Variants in NRXN3 observed in about 807,000 individuals in gnomAD.
NRXN3 encodes neurexin III.
NRXN3 carries 32 observed loss-of-function variants against 137.6 expected under a neutral mutation model. The observed-to-expected ratio is 0.23, with a 90% CI of 0.18 to 0.31. The LOEUF is 0.31. Ranked by LOEUF, NRXN3 falls within the 10% of genes least tolerant of loss-of-function variation. The probability of loss-of-function intolerance (pLI) is 1.00; values close to 1 mark genes in which losing one functional copy is unlikely to be tolerated. For missense variants in NRXN3, 1,574 were observed against 2,062.5 expected (o/e 0.76, Z 4.59); for synonymous variants, 798 against 784.5 (o/e 1.02, Z -0.29).
intron 16 of NRXN3, among the ~76,000 whole-genome samples, chr14:79,475,766 A>G (rs1411168202): frequency 6.6e-6 from 1 of 152,172 alleles, no homozygotes; most frequent in East Asian, 1.9e-4. Context: ...TAAGCAATGA[A>G]TAAACTTTAA....
chr14:79,674,776 T>C (rs1376545113), intron 17 of NRXN3, among the ~76,000 whole-genome samples: 1 of 152,144 alleles, frequency 6.6e-6, no homozygotes, highest in Non-Finnish European at 1.5e-5. Flanking sequence ...TGATGCACAA[T>C]TGCCAGCCTC....
At chr14:78,441,796 G>A (rs919866758) in intron 4 of NRXN3, among the ~76,000 whole-genome samples, 12 of 152,162 alleles carry the variant, frequency 7.9e-5, no homozygotes, top group Non-Finnish European at 1.2e-4. Context: ...AATGAGAAGC[G>A]TTTATGTAAG....
At chr14:79,844,587 A>T (rs934167060) in intron 20 of NRXN3, among the ~76,000 whole-genome samples, 11 of 152,052 alleles carry the variant, frequency 7.2e-5, no homozygotes, top group African/African-American at 2.7e-4. Context: ...ACTGTCAATG[A>T]ACAGTACTAT....
intron 16 of NRXN3, among the ~76,000 whole-genome samples, chr14:79,477,764 A>G (rs531376079): frequency 1.1e-3 from 174 of 152,220 alleles, no homozygotes; most frequent in Admixed American, 1.8e-3. Flanking sequence ...ACGTCTTTAA[A>G]GACTTATTCT....
intron 10 of NRXN3, among the ~76,000 whole-genome samples, chr14:78,848,688 G>A (rs1400969254): frequency 6.6e-6 from 1 of 152,138 alleles, no homozygotes; most frequent in African/African-American, 2.4e-5. Flanking sequence ...GGCCCAGTTG[G>A]GCACTGATAG....
intron 4 of NRXN3, among the ~76,000 whole-genome samples, chr14:78,588,065 G>T (rs1600904861): frequency 6.6e-6 from 1 of 152,122 alleles, no homozygotes; most frequent in East Asian, 1.9e-4. Context: ...AAATAAATGA[G>T]AAGAATTTAT....
At chr14:79,834,052 T>C (rs2099330296) in intron 20 of NRXN3, among the ~76,000 whole-genome samples, 1 of 152,140 alleles carries the variant, frequency 6.6e-6, no homozygotes, top group Non-Finnish European at 1.5e-5. Context: ...TTACAGCACA[T>C]ACATATTTCT....
intron 20 of NRXN3, among the ~76,000 whole-genome samples, chr14:79,848,508 G>C (rs1274388192): frequency 2.0e-5 from 3 of 152,048 alleles, no homozygotes; most frequent in African/African-American, 7.2e-5. Context: ...TGTGGCCCAA[G>C]ACAATTCTTC....
Position 78,879,485 on chromosome 14 carries a change from C to T in NRXN3, c.2275+69141C>T, listed in dbSNP as rs545143873. Reference sequence around the variant, plus strand: ...TTCCCTGATAATTAGTGATGTTGAACATTTTTTAATGTACTTGTTAGCCGT... The same window carrying T: ...TTCCCTGATAATTAGTGATGTTGAATATTTTTTAATGTACTTGTTAGCCGT... On this transcript the variant is annotated intron_variant, in intron 10 of 20. Coordinates refer to ENST00000335750, the MANE Select transcript of NRXN3 (RefSeq NM_001330195.2). 1.6e-4 allele frequency among the ~76,000 whole-genome samples: 24 copies of T among 152,304 alleles called. No individual in the cohort carries two copies. In the South Asian group the frequency reaches 4.4e-3, roughly 28 times the overall value.
At chr14:78,936,274 T>C (rs973279951) in intron 10 of NRXN3, among the ~76,000 whole-genome samples, 6 of 152,234 alleles carry the variant, frequency 3.9e-5, no homozygotes, top group African/African-American at 1.2e-4. Context: ...ATAGAAGTTA[T>C]GCACATGGGC....
At chr14:79,832,224 G>A (rs1322878124) in intron 20 of NRXN3, among the ~76,000 whole-genome samples, 2 of 152,088 alleles carry the variant, frequency 1.3e-5, no homozygotes, top group Non-Finnish European at 2.9e-5. Flanking sequence ...TCGAGGGCAG[G>A]TAGATATGGA....
intron 4 of NRXN3, among the ~76,000 whole-genome samples, chr14:78,341,429 T>C (rs2153581741): frequency 6.6e-6 from 1 of 152,262 alleles, no homozygotes; most frequent in African/African-American, 2.4e-5. Context: ...TAGGAAATAT[T>C]TTTGGCTTTG....
At chr14:78,646,575 T>G (rs2097690129) in intron 5 of NRXN3, among the ~76,000 whole-genome samples, 2 of 152,180 alleles carry the variant, frequency 1.3e-5, no homozygotes, top group Admixed American at 6.5e-5. Context: ...AAAGTGTAAC[T>G]CCTTACGAAT....
chr14:78,882,034 G>A (rs560748901), intron 10 of NRXN3, among the ~76,000 whole-genome samples: 2 of 151,868 alleles, frequency 1.3e-5, no homozygotes, highest in African/African-American at 4.9e-5. Flanking sequence ...TCAGGATATT[G>A]TTTCAAAAGG....
intron 15 of NRXN3, among the ~76,000 whole-genome samples, chr14:79,221,714 C>G (rs1223921725): frequency 6.6e-6 from 1 of 152,164 alleles, no homozygotes; most frequent in Non-Finnish European, 1.5e-5. Flanking sequence ...CCTGTTCACT[C>G]TCATGATAGT....
chr14:79,665,956 T>A (rs1198617005), intron 17 of NRXN3, among the ~76,000 whole-genome samples: 2 of 152,146 alleles, frequency 1.3e-5, no homozygotes, highest in Non-Finnish European at 1.5e-5. Context: ...CAGGGTACAG[T>A]ATAGCATTTA....
intron 15 of NRXN3, among the ~76,000 whole-genome samples, chr14:79,080,459 T>A (rs991572881): frequency 6.6e-6 from 1 of 152,154 alleles, no homozygotes; most frequent in Non-Finnish European, 1.5e-5. Flanking sequence ...TTAAAATTTG[T>A]GGGAGATCCC....
At chr14:78,726,038 C>T (rs940356289) in intron 8 of NRXN3, among the ~76,000 whole-genome samples, 2 of 152,178 alleles carry the variant, frequency 1.3e-5, no homozygotes, top group Non-Finnish European at 2.9e-5. Context: ...GTCCTCTCTT[C>T]TGTGATCGAT....
intron 20 of NRXN3, among the ~76,000 whole-genome samples, chr14:79,849,483 G>A (rs2099387216): frequency 2.0e-5 from 3 of 152,062 alleles, no homozygotes; most frequent in Admixed American, 2.0e-4. Context: ...AGACAAAAGT[G>A]GCCAACATGT....
Sources: allele counts gnomAD v4.1 joint callset (sites outside exome capture counted in the v4.1 genomes callset), GRCh38; gene constraint gnomAD v4.1.1; transcripts MANE v1.5; gene names NCBI Gene and HGNC (gene_info 2026-07-23, HGNC 2026-07-21).